Variants in LZTFL1 observed in about 807,000 individuals in gnomAD.
The protein encoded by LZTFL1 is leucine zipper transcription factor-like protein 1.
LZTFL1 carries 25 observed loss-of-function variants against 45.9 expected under a neutral mutation model. The observed-to-expected ratio is 0.54, with a 90% CI of 0.40 to 0.76. The LOEUF is 0.76. Among genes scored for constraint, LZTFL1 ranks in the 30% least tolerant of loss-of-function variants. The probability of loss-of-function intolerance (pLI) is 0.00; values close to 1 mark genes in which losing one functional copy is unlikely to be tolerated. For synonymous variants in LZTFL1, 93 were observed against 117.4 expected (o/e 0.79, Z 1.35); for missense variants, 277 against 331.1 (o/e 0.84, Z 1.27).
chr3:45,889,194 A>C (rs1702071022), intron 2 of LZTFL1, among the ~76,000 whole-genome samples: 1 of 152,160 alleles, frequency 6.6e-6, no homozygotes, highest in African/African-American at 2.4e-5. Flanking sequence ...TCTGTTGCCC[A>C]GGCTGATCTC....
chr3:45,901,107 G>A lies in LZTFL1; in HGVS notation c.-215+12013C>T. The stretch of plus-strand genomic sequence containing the variant: ...TGTCACTCTTCCCTTCTGGGCCATT[G>A]CTGCTGCTGACCAGTGGAAGTTCCA... On this transcript the variant is annotated intron_variant, in intron 2 of 4. Transcript: ENST00000472635. This position sits in a 1 kb window ranked among gnomAD's most constrained non-coding sequence, Gnocchi z 4.3. The A allele has an allele frequency of 1.2e-6, 2 of 1,614,056 alleles. No individual in the cohort carries two copies. The highest frequency in any genetic ancestry group is 1.7e-6 in the Non-Finnish European group (2 of 1,179,974).
intron 2 of LZTFL1, among the ~76,000 whole-genome samples, chr3:45,878,478 T>C (rs1474871160): frequency 5.9e-5 from 9 of 152,050 alleles, no homozygotes; most frequent in Non-Finnish European, 2.9e-5. Flanking sequence ...GGGTTGGCGC[T>C]ATGGACAAAG....
intron 7 of LZTFL1, among the ~76,000 whole-genome samples, chr3:45,829,821 T>C (rs536775661): frequency 1.6e-4 from 24 of 152,320 alleles, no homozygotes; most frequent in African/African-American, 5.5e-4. Flanking sequence ...GTGTTTGCAA[T>C]TGTTTGACTT....
upstream of LZTFL1, among the ~76,000 whole-genome samples, chr3:45,842,687 C>T (rs1272750987): frequency 1.3e-5 from 2 of 152,154 alleles, no homozygotes; most frequent in Non-Finnish European, 2.9e-5. Context: ...ATGCAAAAAG[C>T]ATGGGTTTTC....
intron 2 of LZTFL1, among the ~76,000 whole-genome samples, chr3:45,879,757 G>A (rs1407165952): frequency 2.0e-5 from 3 of 152,040 alleles, no homozygotes; most frequent in African/African-American, 4.8e-5. Context: ...CTGCGGGAGC[G>A]GGTATATAGG....
intron 1 of LZTFL1, among the ~76,000 whole-genome samples, chr3:45,839,329 C>A (rs1387384434): frequency 6.6e-6 from 1 of 152,122 alleles, no homozygotes; most frequent in African/African-American, 2.4e-5. Context: ...ACCTCGTGAT[C>A]CACCTGCCTC....
In LZTFL1 at chr3:45,831,105, A is replaced by G. The variant is rs372888950; in HGVS notation, c.490T>C (p.Leu164=). 11 of 1,603,014 alleles carry G rather than the reference A, an allele frequency of 6.9e-6. No homozygotes were observed. In the East Asian group the frequency reaches 1.3e-4, roughly 20 times the overall value. ...ILRLQEENEK[L]KSRLKTIEIQ... is the part of the protein sequence containing the mutation. ...TCAATGGTCTTCAACCTTGACTTCAATTTCTCATTCTCTTCTTGAAGTCTT... is the reference window on the plus strand; with the variant it reads ...TCAATGGTCTTCAACCTTGACTTCAGTTTCTCATTCTCTTCTTGAAGTCTT... The change falls in exon 6 of 10, where the codon TTG becomes CTG. Residue 164 remains leucine, a synonymous_variant. Coordinates refer to ENST00000296135, the MANE Select transcript of LZTFL1 (RefSeq NM_020347.4).
chr3:45,882,631 A>G (rs1035259259), intron 2 of LZTFL1, among the ~76,000 whole-genome samples: 1 of 152,100 alleles, frequency 6.6e-6, no homozygotes, highest in African/African-American at 2.4e-5. Flanking sequence ...CATATATTGT[A>G]ATGAACAGAC....
intron 2 of LZTFL1, among the ~76,000 whole-genome samples, chr3:45,906,856 C>T (rs959330960): frequency 6.6e-6 from 1 of 152,216 alleles, no homozygotes; most frequent in African/African-American, 2.4e-5. Flanking sequence ...GTTGGCTTTC[C>T]TCTTCTCCCT....
At chr3:45,836,650 G>A (rs185398053) in intron 2 of LZTFL1, among the ~76,000 whole-genome samples, 6 of 152,208 alleles carry the variant, frequency 3.9e-5, no homozygotes, top group South Asian at 2.1e-4. Context: ...GTGAGACTCC[G>A]TCTCAAAAAA....
chr3:45,886,776 C>G (rs1268201817), intron 2 of LZTFL1: 1 of 152,170 alleles, frequency 6.6e-6, no homozygotes, highest in Non-Finnish European at 1.5e-5. Context: ...GTCATGGGCA[C>G]CAGGCACTTT....
chr3:45,898,594 T>C (rs573571335), intron 2 of LZTFL1, among the ~76,000 whole-genome samples: 7 of 152,332 alleles, frequency 4.6e-5, no homozygotes, highest in Non-Finnish European at 1.0e-4. Flanking sequence ...TGCTCACATA[T>C]TGGAGATGGA....
intron 2 of LZTFL1, among the ~76,000 whole-genome samples, chr3:45,869,867 C>T (rs1284779893): frequency 2.6e-5 from 4 of 152,240 alleles, no homozygotes; most frequent in Non-Finnish European, 5.9e-5. Flanking sequence ...TGGTTTAAAA[C>T]TATTTCCCTC....
At chr3:45,888,191 C>T (rs1245436179) in intron 2 of LZTFL1, among the ~76,000 whole-genome samples, 2 of 152,214 alleles carry the variant, frequency 1.3e-5, no homozygotes, top group African/African-American at 4.8e-5. Flanking sequence ...TCTCCCAGGT[C>T]CCTGCACATA....
chr3:45,874,492 T>G (rs1056062037), intron 2 of LZTFL1, among the ~76,000 whole-genome samples: 1 of 152,180 alleles, frequency 6.6e-6, no homozygotes, highest in Non-Finnish European at 1.5e-5. Context: ...TGGCTCTTCC[T>G]TCTCATACTT....
chr3:45,824,859 G>GT lies in LZTFL1; in HGVS notation c.*1454dup, dbSNP rs1368338864. 5 of 398,308 alleles carry GT rather than the reference G, an allele frequency of 1.3e-5. No individual in the cohort carries two copies. Among genetic ancestry groups the GT allele is most frequent in the Non-Finnish European group, 2.2e-5 (5 of 225,960 alleles). 24.7% of individuals were successfully genotyped at this position (398,308 alleles called of 1,614,324 possible). A position where few individuals can be genotyped will look rare whatever the true frequency, so the allele number is the denominator to read the frequency against. On this transcript the variant is annotated 3_prime_UTR_variant, in exon 10 of 10. Transcript: ENST00000296135. ...AAGCTCCAAAAGGGCACAGAAACTGGTAAGTGACCTAAATATGGAGAGACA... is the reference window on the plus strand; with the variant it reads ...AAGCTCCAAAAGGGCACAGAAACTGGTTAAGTGACCTAAATATGGAGAGACA...
intron 2 of LZTFL1, among the ~76,000 whole-genome samples, chr3:45,906,682 G>T (rs562726863): frequency 2.0e-5 from 3 of 152,218 alleles, no homozygotes; most frequent in Admixed American, 6.5e-5. Context: ...AATCGAGAAG[G>T]TTCCTAGCTG....
chr3:45,851,220 C>T (rs1438895846), intron 4 of LZTFL1, among the ~76,000 whole-genome samples: 4 of 112,814 alleles, frequency 3.5e-5, no homozygotes, highest in Non-Finnish European at 6.7e-5. Context: ...TGTGATTTAG[C>T]TGTGATTTTT....
intron 1 of LZTFL1, chr3:45,915,322 C>T (rs1316297945): frequency 3.0e-5 from 10 of 331,798 alleles, no homozygotes; most frequent in Admixed American, 1.1e-4. Context: ...CTTTGCTCTC[C>T]GATCTTTTAT....
Sources: gnomAD v4.1 joint callset for allele counts (sites outside exome capture counted in the v4.1 genomes callset) on GRCh38, gnomAD v4.1.1 for gene constraint, Gnocchi (gnomAD v3.1) non-coding constraint, MANE v1.5 for transcripts, NCBI Gene and HGNC (gene_info 2026-07-23, HGNC 2026-07-21) for gene names.